DSCAM: variants seen among roughly 807,000 people sequenced by gnomAD.
DSCAM encodes cell adhesion molecule DSCAM.
A neutral mutation model predicts 217.7 loss-of-function variants in DSCAM; 47 were observed. The observed-to-expected ratio is 0.22, with a 90% CI of 0.17 to 0.28. DSCAM has a LOEUF of 0.28. DSCAM is among the 10% of genes least tolerant of loss of function. The pLI, the probability that DSCAM is intolerant of heterozygous loss-of-function variation, is 1.00. For synonymous variants in DSCAM, 1,056 were observed against 1,015.3 expected (o/e 1.04, Z -0.76); for missense variants, 2,080 against 2,618.3 (o/e 0.79, Z 4.49).
intron 3 of DSCAM, among the ~76,000 whole-genome samples, chr21:40,558,299 T>A (rs1984503): frequency 0.45 from 68,444 of 151,750 alleles, 16,704 homozygotes; most frequent in Admixed American, 0.55. Context: ...TACAAAAAAA[T>A]TAGCTGGGCA....
intron 3 of DSCAM, among the ~76,000 whole-genome samples, chr21:40,603,110 C>A (rs942999037): frequency 1.3e-5 from 2 of 151,814 alleles, no homozygotes; most frequent in African/African-American, 4.8e-5. Context: ...TTTTATTCTC[C>A]AAATATTTAG....
At chr21:40,383,805 T>A (rs923808796) in intron 3 of DSCAM, 1 of 152,244 alleles carries the variant, frequency 6.6e-6, no homozygotes, top group Admixed American at 6.5e-5. Flanking sequence ...CATTTTTTTA[T>A]AATTACATTG....
At chr21:40,459,760 C>A (rs2075791260) in intron 3 of DSCAM, among the ~76,000 whole-genome samples, 2 of 151,950 alleles carry the variant, frequency 1.3e-5, no homozygotes, top group Admixed American at 6.6e-5. Context: ...CAAAGTAATC[C>A]AGTTTTAAAG....
At chr21:40,764,108 C>A (rs1468967474) in intron 1 of DSCAM, among the ~76,000 whole-genome samples, 1 of 152,106 alleles carries the variant, frequency 6.6e-6, no homozygotes, top group Non-Finnish European at 1.5e-5. Flanking sequence ...ATCTAATTAA[C>A]TAAAGAGCTT....
intron 32 of DSCAM, among the ~76,000 whole-genome samples, chr21:40,038,062 C>T (rs36161451): frequency 6.6e-6 from 1 of 151,252 alleles, no homozygotes; most frequent in Non-Finnish European, 1.5e-5. Context: ...ACCATAAAAA[C>T]CCTAGAAGAA....
At chr21:40,641,311 TG>T (rs2089876397) in intron 3 of DSCAM, among the ~76,000 whole-genome samples, 1 of 152,018 alleles carries the variant, frequency 6.6e-6, no homozygotes, top group African/African-American at 2.4e-5. Flanking sequence ...GCTAGATGAG[TG>T]TTATACAAGG....
At chr21:40,285,490 T>C (rs2073813496) in intron 10 of DSCAM, among the ~76,000 whole-genome samples, 1 of 152,094 alleles carries the variant, frequency 6.6e-6, no homozygotes, top group African/African-American at 2.4e-5. Flanking sequence ...CCTGCAGAGG[T>C]CCTGCAGCAG....
At chr21:40,669,463 C>G (rs2090243675) in intron 3 of DSCAM, among the ~76,000 whole-genome samples, 1 of 152,136 alleles carries the variant, frequency 6.6e-6, no homozygotes, top group Non-Finnish European at 1.5e-5. Context: ...ATTAACAGAA[C>G]AGACCAAAAT....
chr21:40,141,650 A>G (rs540376391), intron 18 of DSCAM, among the ~76,000 whole-genome samples: 70 of 152,168 alleles, frequency 4.6e-4, no homozygotes, highest in African/African-American at 1.5e-3. Context: ...ACAAGAGGGA[A>G]GGTACTGTCC....
chr21:40,152,181 A>G (rs560631194), intron 16 of DSCAM, among the ~76,000 whole-genome samples: 76 of 152,338 alleles, frequency 5.0e-4, no homozygotes, highest in African/African-American at 1.7e-3. Context: ...TAAGAACTCA[A>G]TAAAACAAGG....
chr21:40,450,532 T>C (rs565359379), intron 3 of DSCAM, among the ~76,000 whole-genome samples: 1 of 152,330 alleles, frequency 6.6e-6, no homozygotes, highest in Non-Finnish European at 1.5e-5. Context: ...AAGCCCTTGA[T>C]TTAGGATTCA....
intron 3 of DSCAM, among the ~76,000 whole-genome samples, chr21:40,580,142 C>G (rs189160240): frequency 3.3e-5 from 5 of 150,770 alleles, no homozygotes; most frequent in African/African-American, 1.2e-4. Flanking sequence ...AGTGCAGTGG[C>G]GCGATCTCGG....
intron 3 of DSCAM, among the ~76,000 whole-genome samples, chr21:40,524,797 T>G (rs2076387258): frequency 6.6e-6 from 1 of 151,748 alleles, no homozygotes; most frequent in Non-Finnish European, 1.5e-5. Flanking sequence ...GATCATGAGG[T>G]CAGGAGTTCA....
intron 3 of DSCAM, among the ~76,000 whole-genome samples, chr21:40,455,519 C>A (rs1315620205): frequency 6.6e-6 from 1 of 152,212 alleles, no homozygotes; most frequent in Admixed American, 6.5e-5. Flanking sequence ...GTAATCCCAG[C>A]ACTTTGGGAG....
Position 40,078,649 on chromosome 21 carries a change from A to T in DSCAM, c.4711+38T>A, listed in dbSNP as rs777842384. 5.6e-6 allele frequency: 9 copies of T among 1,594,844 alleles called. No individual in the cohort carries two copies. In the South Asian group the frequency reaches 1.0e-4, roughly 18 times the overall value. On this transcript the variant is annotated intron_variant, in intron 26 of 32. Transcript: ENST00000400454. ...GCAGGGCCCACGTGCACATCCCCCAAGACACAAGCAGGAGAGCCACAAAGC... is the reference window on the plus strand; with the variant it reads ...GCAGGGCCCACGTGCACATCCCCCATGACACAAGCAGGAGAGCCACAAAGC...
chr21:40,283,555 G>A (rs2073790179), intron 10 of DSCAM, among the ~76,000 whole-genome samples: 1 of 152,156 alleles, frequency 6.6e-6, no homozygotes, highest in African/African-American at 2.4e-5. Flanking sequence ...TTTGAAGGCA[G>A]CAGCAAATAA....
At chr21:40,396,523 G>A (rs975852094) in intron 3 of DSCAM, among the ~76,000 whole-genome samples, 2 of 152,144 alleles carry the variant, frequency 1.3e-5, no homozygotes, top group Admixed American at 6.5e-5. Context: ...CAGTACACAC[G>A]TGCAGTGTTC....
At chr21:40,793,931 G>A (rs923351522) in intron 1 of DSCAM, among the ~76,000 whole-genome samples, 1 of 152,142 alleles carries the variant, frequency 6.6e-6, no homozygotes, top group East Asian at 1.9e-4. Flanking sequence ...AGAGACAAAT[G>A]CTTATTAGTT....
chr21:40,607,223 G>A (rs1407569578), intron 3 of DSCAM, among the ~76,000 whole-genome samples: 1 of 3,156 alleles, frequency 3.2e-4, no homozygotes, highest in Non-Finnish European at 5.6e-4. Context: ...TTATGTTTCA[G>A]TTAATCAGCA....
Sources: gnomAD v4.1 joint callset for allele counts (sites outside exome capture counted in the v4.1 genomes callset) on GRCh38, gnomAD v4.1.1 for gene constraint, MANE v1.5 for transcripts, NCBI Gene and HGNC (gene_info 2026-07-23, HGNC 2026-07-21) for gene names.